The following STK3 variants were observed in gnomAD, a reference collection of about 807,000 sequenced individuals.
STK3 encodes serine/threonine kinase 3.
Under a neutral mutation model 58.0 loss-of-function variants are expected in STK3, and 41 were observed. The ratio of observed to expected loss-of-function variants is 0.71; its 90% CI spans 0.55 to 0.92. The LOEUF (loss-of-function observed/expected upper bound fraction) is 0.92. STK3 is among the 40% of genes least tolerant of loss of function. STK3 has a pLI of 0.00. For missense variants in STK3, 479 were observed against 602.7 expected (o/e 0.79, Z 2.15); for synonymous variants, 170 against 191.0 (o/e 0.89, Z 0.91).
intron 3 of STK3, among the ~76,000 whole-genome samples, chr8:98,404,166 C>A (rs1205063589): frequency 6.6e-6 from 1 of 152,162 alleles, no homozygotes; most frequent in Admixed American, 6.5e-5. Flanking sequence ...TGTCCTTTTG[C>A]CAGAAAAACT....
At chr8:98,352,388 G>C in the STK3 span, among the ~76,000 whole-genome samples, 2 of 152,142 alleles carry the variant, frequency 1.3e-5, no homozygotes, top group African/African-American at 2.4e-5. Flanking sequence ...CTGTACCTGT[G>C]AGCACACATA....
At chr8:98,659,399 A>G (rs931532053) in intron 6 of STK3, among the ~76,000 whole-genome samples, 2 of 152,062 alleles carry the variant, frequency 1.3e-5, no homozygotes, top group East Asian at 1.9e-4. Context: ...ACAGTTTACT[A>G]TCATGAGACT....
intron 7 of STK3, among the ~76,000 whole-genome samples, chr8:98,580,618 T>G (rs756020647): frequency 4.6e-5 from 7 of 152,186 alleles, no homozygotes; most frequent in Non-Finnish European, 8.8e-5. Flanking sequence ...GTTATTTGTT[T>G]ATTTGTTTGT....
At chr8:98,409,377 T>C (rs1818030950) in intron 3 of STK3, among the ~76,000 whole-genome samples, 1 of 152,224 alleles carries the variant, frequency 6.6e-6, no homozygotes, top group African/African-American at 2.4e-5. Flanking sequence ...AAGCCTTCTG[T>C]CTGCACGAGG....
chr8:98,764,067 T>C (rs888439591), intron 3 of STK3, among the ~76,000 whole-genome samples: 4 of 152,264 alleles, frequency 2.6e-5, no homozygotes. Context: ...ACTTACAATA[T>C]GAATTTGACA....
chr8:98,758,500 C>CAAATGAAT (rs2131397026), intron 3 of STK3, among the ~76,000 whole-genome samples: 1 of 152,244 alleles, frequency 6.6e-6, no homozygotes, highest in South Asian at 2.1e-4. Flanking sequence ...TCAATATACA[C>CAAATGAAT]AAATGAATAA....
chr8:98,464,540 T>TTAAAAAAAAAAA (rs71572015), intron 10 of STK3, among the ~76,000 whole-genome samples: 2 of 69,228 alleles, frequency 2.9e-5, no homozygotes, highest in African/African-American at 1.1e-4. Context: ...TACTTAAAGT[T>TTAAAAAAAAAAA]AAAAAAAAAA....
intron 1 of STK3, among the ~76,000 whole-genome samples, chr8:98,798,922 C>T (rs906312980): frequency 6.6e-6 from 1 of 152,202 alleles, no homozygotes; most frequent in East Asian, 1.9e-4. Flanking sequence ...TGTGAAAACA[C>T]AGCATTCCTC....
At chr8:98,645,827 T>C (rs1820358010) in intron 6 of STK3, among the ~76,000 whole-genome samples, 2 of 152,034 alleles carry the variant, frequency 1.3e-5, no homozygotes, top group South Asian at 4.1e-4. Context: ...CAGATATAGA[T>C]AGATATAGAT....
At chr8:98,478,404 C>T (rs772461001) in intron 10 of STK3, among the ~76,000 whole-genome samples, 1 of 152,122 alleles carries the variant, frequency 6.6e-6, no homozygotes, top group Non-Finnish European at 1.5e-5. Context: ...TAAGATCCAT[C>T]GAGTTCGCCT....
intron 1 of STK3, chr8:98,782,565 G>A (rs945796743): frequency 4.2e-5 from 13 of 306,734 alleles, no homozygotes; most frequent in Admixed American, 3.9e-4. Flanking sequence ...CATGAAGAGC[G>A]CCTCCAGGCC....
At chr8:98,711,594 A>C (rs1316995294) in intron 4 of STK3, among the ~76,000 whole-genome samples, 1 of 152,200 alleles carries the variant, frequency 6.6e-6, no homozygotes, top group Non-Finnish European at 1.5e-5. Context: ...AAAAAGAATA[A>C]AAAGAAATGA....
intron 1 of STK3, among the ~76,000 whole-genome samples, chr8:98,811,723 T>A (rs1006981874): frequency 6.6e-6 from 1 of 152,210 alleles, no homozygotes; most frequent in African/African-American, 2.4e-5. Flanking sequence ...ATTTTCTAAA[T>A]TATACATTGA....
chr8:98,820,920 G>A (rs958484427), intron 1 of STK3, among the ~76,000 whole-genome samples: 3 of 152,174 alleles, frequency 2.0e-5, no homozygotes, highest in Admixed American at 6.5e-5. Flanking sequence ...GGAGCTCGCA[G>A]TGAGCCGAGA....
At chr8:98,764,072 T>C (rs1830795584) in intron 3 of STK3, among the ~76,000 whole-genome samples, 2 of 152,242 alleles carry the variant, frequency 1.3e-5, no homozygotes, top group Admixed American at 6.5e-5. Context: ...CAATATGAAT[T>C]TGACAGTAAA....
intron 1 of STK3, among the ~76,000 whole-genome samples, chr8:98,940,204 G>A (rs1587877792): frequency 1.3e-5 from 2 of 152,226 alleles, no homozygotes; most frequent in South Asian, 4.1e-4. Flanking sequence ...GAGCCGGTGC[G>A]CCCTTCCGCC....
chr8:98,480,552 A>G (rs1320581758), intron 10 of STK3, among the ~76,000 whole-genome samples: 3 of 152,230 alleles, frequency 2.0e-5, no homozygotes, highest in African/African-American at 7.2e-5. Flanking sequence ...TGATTTCAAA[A>G]AAAACAAGAA....
chr8:98,792,896 ATGTGTGTGTG>A (rs34465301), intron 1 of STK3, among the ~76,000 whole-genome samples: 4 of 145,664 alleles, frequency 2.7e-5, no homozygotes, highest in Admixed American at 1.4e-4. Context: ...AAGAGACTGT[ATGTGTGTGTG>A]TGTGTGTGTG....
At position 98,526,901 on chromosome 8, in the gene STK3, T is replaced by G. The variant is rs771356008; in HGVS notation, c.1158A>C (p.Pro386=). 1 of 1,564,030 alleles carries G rather than the reference T, an allele frequency of 6.4e-7. No homozygotes were observed. The highest frequency in any genetic ancestry group is 2.3e-5 in the East Asian group (1 of 44,158). The change falls in exon 10 of 11, where the codon CCA becomes CCC. Residue 386 remains proline, a synonymous_variant. Coordinates refer to ENST00000419617, the MANE Select transcript of STK3 (RefSeq NM_006281.4). The part of the protein sequence containing the change: ...DGTMKRNATS[P]QVQRPSFMDY... Reference sequence around the variant, plus strand: ...CCATGAAAGATGGTCTTTGTACTTGTGGTGAGGTTGCATTTCCTTAGGTAA... The same window carrying G: ...CCATGAAAGATGGTCTTTGTACTTGGGGTGAGGTTGCATTTCCTTAGGTAA...
Sources: gnomAD v4.1 joint callset for allele counts (sites outside exome capture counted in the v4.1 genomes callset) on GRCh38, gnomAD v4.1.1 for gene constraint, MANE v1.5 for transcripts, NCBI Gene and HGNC (gene_info 2026-07-23, HGNC 2026-07-21) for gene names.